Variants in FRMPD4 observed in about 807,000 individuals in gnomAD.
The protein encoded by FRMPD4 is FERM and PDZ domain containing 4.
In FRMPD4, 22 loss-of-function variants were observed where a neutral mutation model predicts 94.1. The ratio of observed to expected loss-of-function variants is 0.23; its 90% confidence interval spans 0.17 to 0.33. The LOEUF (loss-of-function observed/expected upper bound fraction) is 0.33. Among genes scored for constraint, FRMPD4 ranks in the 10% least tolerant of loss-of-function variants. The pLI, the probability that FRMPD4 is intolerant of heterozygous loss-of-function variation, is 1.00. For synonymous variants in FRMPD4, 631 were observed against 548.6 expected, an observed-to-expected ratio of 1.15 and a Z score of -2.10; for missense variants, 1,111 against 1,339.9, an observed-to-expected ratio of 0.83 and a Z score of 2.67.
chrX:12,705,628 A>C (rs138844029), intron 11 of FRMPD4, among the ~76,000 whole-genome samples: 136 of 111,272 alleles, frequency 1.2e-3, no homozygotes, highest in South Asian at 5.4e-3. Flanking sequence ...CACAGTGAGC[A>C]TTCAGCTTAC....
intron 4 of FRMPD4, among the ~76,000 whole-genome samples, chrX:12,657,085 T>TAA (rs149487975): frequency 3.2e-3 from 299 of 93,420 alleles, no homozygotes; most frequent in African/African-American, 9.2e-3. Flanking sequence ...AAACTCCTTC[T>TAA]AAAAAAAAAA....
intron 1 of FRMPD4, among the ~76,000 whole-genome samples, chrX:11,826,933 T>C (rs1379456552): frequency 9.3e-6 from 1 of 108,022 alleles, no homozygotes; most frequent in East Asian, 2.9e-4. Context: ...GAGAAAGGTA[T>C]GAGGAGGAGG....
At chrX:12,585,133 AT>A (rs1453844865) in intron 2 of FRMPD4, among the ~76,000 whole-genome samples, 1 of 109,782 alleles carries the variant, frequency 9.1e-6, no homozygotes, top group Non-Finnish European at 1.9e-5. Context: ...GACCAGGCTG[AT>A]CTCGAACTCC....
intron 2 of FRMPD4, among the ~76,000 whole-genome samples, chrX:12,578,596 G>A (rs73444869): frequency 2.4e-3 from 268 of 111,832 alleles, no homozygotes; most frequent in African/African-American, 8.3e-3. Context: ...GTGTGTTTAT[G>A]TTACTGTTTT....
At chrX:11,824,215 T>A (rs767968114) in intron 1 of FRMPD4, among the ~76,000 whole-genome samples, 2 of 105,250 alleles carry the variant, frequency 1.9e-5, no homozygotes, top group Non-Finnish European at 3.9e-5. Flanking sequence ...AAAGAGTAGG[T>A]GTGTGGGTAA....
At chrX:12,077,604 G>C (rs1308636615) in intron 3 of FRMPD4, among the ~76,000 whole-genome samples, 1 of 111,909 alleles carries the variant, frequency 8.9e-6, no homozygotes. Context: ...CCACTTTGCA[G>C]AGAAAGTGGG....
In FRMPD4 at chrX:12,322,525, T is replaced by C. The variant is rs186252042; in HGVS notation, c.42-176155T>C. Among the ~76,000 whole-genome samples the C allele has an allele frequency of 4.0e-3, 444 of 109,938 alleles. 2 individuals carry two copies. Among genetic ancestry groups the C allele is most frequent in the Non-Finnish European group, 6.6e-3 (350 of 52,720 alleles). ...CCAAGAAGAGCAGCATGGCAGGAGC[T>C]GCATGGGCAAGCAGAAAGGTAGCTG... On this transcript the variant is annotated intron_variant, in intron 1 of 16. Transcript: ENST00000675598.
chrX:12,720,034 G>GAAA (rs1183663964), intron 16 of FRMPD4, among the ~76,000 whole-genome samples: 49 of 31,365 alleles, frequency 1.6e-3, no homozygotes, highest in Non-Finnish European at 1.9e-3. Context: ...GGAAAGGAAA[G>GAAA]GAAAGGAAAG....
At chrX:12,271,564 A>G (rs888511759) in intron 1 of FRMPD4, among the ~76,000 whole-genome samples, 1 of 112,225 alleles carries the variant, frequency 8.9e-6, no homozygotes, top group Non-Finnish European at 1.9e-5. Flanking sequence ...ATTCTCACAC[A>G]GTGTGCCAAA....
intron 1 of FRMPD4, among the ~76,000 whole-genome samples, chrX:12,437,563 T>C (rs2057083946): frequency 9.0e-6 from 1 of 111,554 alleles, no homozygotes; most frequent in Non-Finnish European, 1.9e-5. Context: ...ATTCTTACTC[T>C]TGAATGATGG....
chrX:12,465,908 T>C (rs1231128208), intron 1 of FRMPD4, among the ~76,000 whole-genome samples: 1 of 111,869 alleles, frequency 8.9e-6, no homozygotes, highest in African/African-American at 3.2e-5. Flanking sequence ...TGTGGATAAC[T>C]TTTGCTGTTA....
At chrX:12,011,626 G>C (rs1472244257) in intron 3 of FRMPD4, among the ~76,000 whole-genome samples, 1 of 111,896 alleles carries the variant, frequency 8.9e-6, no homozygotes, top group Non-Finnish European at 1.9e-5. Context: ...TGACAGTTAA[G>C]ACATTTGGTA....
intron 1 of FRMPD4, among the ~76,000 whole-genome samples, chrX:12,201,007 G>A (rs2056625892): frequency 8.9e-6 from 1 of 112,280 alleles, no homozygotes; most frequent in Admixed American, 9.4e-5. Context: ...CACTTACAGA[G>A]TTGCAACATA....
At chrX:12,456,733 CAA>C (rs2148147753) in intron 1 of FRMPD4, among the ~76,000 whole-genome samples, 1 of 113,084 alleles carries the variant, frequency 8.8e-6, no homozygotes, top group East Asian at 2.8e-4. Context: ...TTGCATTCTG[CAA>C]ACAGGTTTAA....
chrX:11,995,721 T>A (rs1477664383), intron 3 of FRMPD4, among the ~76,000 whole-genome samples: 1 of 112,169 alleles, frequency 8.9e-6, no homozygotes, highest in Non-Finnish European at 1.9e-5. Context: ...TCAAAGGCTT[T>A]GGCCAAACAA....
At chrX:11,837,826 T>C (rs1463347498) in intron 1 of FRMPD4, among the ~76,000 whole-genome samples, 1 of 111,806 alleles carries the variant, frequency 8.9e-6, no homozygotes, top group Non-Finnish European at 1.9e-5. Flanking sequence ...ATAGTAGATC[T>C]GATTTAGGAG....
chrX:12,282,981 C>T (rs2054548746), intron 1 of FRMPD4, among the ~76,000 whole-genome samples: 1 of 112,912 alleles, frequency 8.9e-6, no homozygotes, highest in African/African-American at 3.2e-5. Context: ...ATTAAAAGCC[C>T]ATTTCCTCAC....
intron 1 of FRMPD4, among the ~76,000 whole-genome samples, chrX:11,862,171 T>C (rs73495586): frequency 0.048 from 5,332 of 110,831 alleles, 311 homozygotes; most frequent in African/African-American, 0.17. Context: ...TAATTTGACA[T>C]GAGATTTTGG....
intron 1 of FRMPD4, among the ~76,000 whole-genome samples, chrX:12,263,284 T>G (rs1472069182): frequency 9.0e-6 from 1 of 111,536 alleles, no homozygotes; most frequent in Non-Finnish European, 1.9e-5. Flanking sequence ...TTAGTCCCCC[T>G]GGTAAACCAG....
Sources: gnomAD v4.1 joint callset for allele counts (sites outside exome capture counted in the v4.1 genomes callset) on GRCh38, gnomAD v4.1.1 for gene constraint, MANE v1.5 for transcripts, NCBI Gene and HGNC (gene_info 2026-07-23, HGNC 2026-07-21) for gene names.